NDUFS4: variants seen among roughly 807,000 people sequenced by gnomAD.
NDUFS4 encodes the protein NADH:ubiquinone oxidoreductase subunit S4, also known as NADH dehydrogenase [ubiquinone] iron-sulfur protein 4, mitochondrial.
A neutral mutation model predicts 24.3 loss-of-function variants in NDUFS4; 28 were observed. The ratio of observed to expected loss-of-function variants is 1.15; its 90% CI spans 0.85 to 1.58. NDUFS4 has a LOEUF of 1.58. NDUFS4 is among the 40% of genes most tolerant of loss of function. The probability of loss-of-function intolerance (pLI) is 0.00; values close to 1 mark genes in which losing one functional copy is unlikely to be tolerated. For synonymous variants in NDUFS4, 93 were observed against 69.7 expected (o/e 1.34, Z -1.67); for missense variants, 223 against 207.9 (o/e 1.07, Z -0.45).
At chr5:53,626,446 G>A (rs1373077490) in intron 2 of NDUFS4, among the ~76,000 whole-genome samples, 1 of 152,138 alleles carries the variant, frequency 6.6e-6, no homozygotes, top group Non-Finnish European at 1.5e-5. Context: ...GATCCTTGAG[G>A]AGTCACCACA....
At chr5:53,656,200 A>G (rs559092364) in intron 3 of NDUFS4, among the ~76,000 whole-genome samples, 1 of 113,334 alleles carries the variant, frequency 8.8e-6, no homozygotes, top group African/African-American at 3.6e-5. Flanking sequence ...TAAAGATTGA[A>G]TTCTCTAGAA....
At chr5:53,614,354 A>G (rs1218624720) in intron 2 of NDUFS4, among the ~76,000 whole-genome samples, 2 of 151,962 alleles carry the variant, frequency 1.3e-5, no homozygotes, top group Non-Finnish European at 1.5e-5. Context: ...AATGTTAAGT[A>G]TTACAGTTTT....
chr5:53,598,446 T>A (rs256085), intron 1 of NDUFS4, among the ~76,000 whole-genome samples: 105,332 of 152,028 alleles, frequency 0.69, 37,022 homozygotes, highest in African/African-American at 0.8. Flanking sequence ...TTTCCACGGG[T>A]TTATTAAAAC....
intron 4 of NDUFS4, among the ~76,000 whole-genome samples, chr5:53,666,580 C>G (rs1402221792): frequency 1.3e-5 from 2 of 152,170 alleles, no homozygotes; most frequent in Admixed American, 1.3e-4. Context: ...CACCTAGCAC[C>G]TAGCACAAAA....
At chr5:53,643,111 G>C (rs903116909) in intron 2 of NDUFS4, among the ~76,000 whole-genome samples, 1 of 152,158 alleles carries the variant, frequency 6.6e-6, no homozygotes, top group East Asian at 1.9e-4. Flanking sequence ...AGAGTAGCTT[G>C]TTTTATTAGA....
intron 4 of NDUFS4, among the ~76,000 whole-genome samples, chr5:53,673,070 A>G (rs1373445751): frequency 6.6e-6 from 1 of 152,148 alleles, no homozygotes; most frequent in Non-Finnish European, 1.5e-5. Flanking sequence ...CAGTACAAGG[A>G]CTCAGGTAAA....
chr5:53,590,309 G>T (rs1749905665), intron 1 of NDUFS4, among the ~76,000 whole-genome samples: 1 of 152,084 alleles, frequency 6.6e-6, no homozygotes. Context: ...TTGCTCTTAT[G>T]TGCTTGCTTA....
chr5:53,648,015 C>T (rs1024856860), intron 3 of NDUFS4, among the ~76,000 whole-genome samples: 5 of 151,938 alleles, frequency 3.3e-5, no homozygotes, highest in Non-Finnish European at 7.4e-5. Flanking sequence ...TGTACTTCCA[C>T]AGATCTACAA....
At chr5:53,680,513 T>A (rs1164825542) in intron 4 of NDUFS4, among the ~76,000 whole-genome samples, 1 of 152,148 alleles carries the variant, frequency 6.6e-6, no homozygotes, top group Admixed American at 6.5e-5. Flanking sequence ...TATGTAGCCA[T>A]AAAAAATGAT....
intron 1 of NDUFS4, among the ~76,000 whole-genome samples, chr5:53,566,869 G>A (rs1749044436): frequency 7.2e-6 from 1 of 139,508 alleles, no homozygotes; most frequent in African/African-American, 2.8e-5. Context: ...TTTTTTTTGA[G>A]GTGGAGTCTT....
At chr5:53,603,551 A>ACT in intron 2 of NDUFS4, 21 bp downstream of exon 2, 1 of 1,579,462 alleles carries the variant, frequency 6.3e-7, no homozygotes, top group South Asian at 1.1e-5. Flanking sequence ...TCTACTACAC[A>ACT]CTGCTATGGT....
At chr5:53,661,079 C>T (rs1262775800) in intron 4 of NDUFS4, among the ~76,000 whole-genome samples, 16 of 152,240 alleles carry the variant, frequency 1.1e-4, no homozygotes, top group Non-Finnish European at 1.0e-4. Context: ...CTTGCCCATG[C>T]CTATGTCCTG....
chr5:53,632,903 T>G (rs1751445612), intron 2 of NDUFS4, among the ~76,000 whole-genome samples: 1 of 152,196 alleles, frequency 6.6e-6, no homozygotes, highest in Non-Finnish European at 1.5e-5. Context: ...TCTTTACTTT[T>G]TAAACCAACC....
At chr5:53,610,119 T>G (rs375210085) in intron 2 of NDUFS4, among the ~76,000 whole-genome samples, 4 of 152,188 alleles carry the variant, frequency 2.6e-5, no homozygotes, top group East Asian at 3.9e-4. Context: ...TTGACATGCC[T>G]TCTTCACCTA....
chr5:53,593,531 C>T (rs1386906581), intron 1 of NDUFS4, among the ~76,000 whole-genome samples: 1 of 150,246 alleles, frequency 6.7e-6, no homozygotes, highest in Non-Finnish European at 1.5e-5. Context: ...TACCAATTTC[C>T]TATTTACAAT....
At chr5:53,633,942 C>G (rs1280329980) in intron 2 of NDUFS4, among the ~76,000 whole-genome samples, 1 of 152,130 alleles carries the variant, frequency 6.6e-6, no homozygotes, top group Non-Finnish European at 1.5e-5. Context: ...ATGGAAAAAA[C>G]ACCACTTGGG....
chr5:53,584,726 A>G (rs1294071634), intron 1 of NDUFS4, among the ~76,000 whole-genome samples: 2 of 152,030 alleles, frequency 1.3e-5, no homozygotes, highest in African/African-American at 4.8e-5. Flanking sequence ...TCTTCAGAGT[A>G]TTTTATTGCC....
chr5:53,607,207 G>A (rs1176532074), intron 2 of NDUFS4, among the ~76,000 whole-genome samples: 8 of 152,144 alleles, frequency 5.3e-5, no homozygotes, highest in Non-Finnish European at 1.0e-4. Context: ...TCAAGGAGGT[G>A]TTGCCCATGA....
intron 1 of NDUFS4, among the ~76,000 whole-genome samples, chr5:53,590,348 A>G (rs1038951180): frequency 7.2e-5 from 11 of 152,242 alleles, no homozygotes; most frequent in Non-Finnish European, 1.6e-4. Context: ...AAAGATTCAC[A>G]GTTATCAACT....
Sources: allele counts gnomAD v4.1 joint callset (sites outside exome capture counted in the v4.1 genomes callset), GRCh38; gene constraint gnomAD v4.1.1; transcripts MANE v1.5; gene names NCBI Gene and HGNC (gene_info 2026-07-23, HGNC 2026-07-21).